Variants in TYW1B observed in about 807,000 individuals in gnomAD.
The protein encoded by TYW1B is tRNA-yW synthesizing protein 1 homolog B.
Under a neutral mutation model 86.9 loss-of-function variants are expected in TYW1B, and 73 were observed. The ratio of observed to expected loss-of-function variants is 0.84; its 90% CI spans 0.70 to 1.02. The LOEUF is 1.02. Among genes scored for constraint, TYW1B ranks in the 50% least tolerant of loss-of-function variants. The probability of loss-of-function intolerance (pLI) is 0.00; values close to 1 mark genes in which losing one functional copy is unlikely to be tolerated. For synonymous variants in TYW1B, 248 were observed against 292.8 expected (o/e 0.85, Z 1.56); for missense variants, 637 against 827.4 (o/e 0.77, Z 2.82).
intron 13 of TYW1B, among the ~76,000 whole-genome samples, chr7:72,613,127 G>A (rs1419635618): frequency 6.6e-6 from 1 of 152,094 alleles, no homozygotes; most frequent in Non-Finnish European, 1.5e-5. Context: ...AAAGACAAAG[G>A]AAGACTGTGG....
intron 8 of TYW1B, among the ~76,000 whole-genome samples, chr7:72,732,588 C>T (rs560539304): frequency 3.9e-5 from 6 of 152,056 alleles, no homozygotes; most frequent in African/African-American, 1.4e-4. Context: ...AAGCAAATGT[C>T]AAAACTTAAG....
At chr7:72,585,427 C>T (rs1554430337) in intron 13 of TYW1B, among the ~76,000 whole-genome samples, 1 of 152,200 alleles carries the variant, frequency 6.6e-6, no homozygotes. Flanking sequence ...CTCCACGTAA[C>T]ACTATACCAT....
intron 11 of TYW1B, among the ~76,000 whole-genome samples, chr7:72,690,767 G>C (rs1814132154): frequency 6.6e-6 from 1 of 152,088 alleles, no homozygotes; most frequent in African/African-American, 2.4e-5. Flanking sequence ...TATTTATTTT[G>C]AGACAGTCTC....
intron 11 of TYW1B, among the ~76,000 whole-genome samples, chr7:72,648,037 A>G (rs1324502135): frequency 6.6e-6 from 1 of 152,160 alleles, no homozygotes; most frequent in African/African-American, 2.4e-5. Context: ...AGCTGAAAAC[A>G]AACTTATACA....
intron 11 of TYW1B, among the ~76,000 whole-genome samples, chr7:72,659,816 T>C (rs1813289553): frequency 3.3e-5 from 5 of 152,166 alleles, no homozygotes; most frequent in South Asian, 2.1e-4. Flanking sequence ...AGGCAACTGA[T>C]GGTGAGCAAG....
Position 72,706,431 on chromosome 7 carries a change from CAAAAAA to C in TYW1B, c.1370+7184_1370+7189del, listed in dbSNP as rs59124514. ...AACAAGAGCGAAACTCCTCCATCTC[CAAAAAA>C]AAAAAAAAAAAAAAAAAGAATATTC... On this transcript the variant is annotated intron_variant, in intron 10 of 13. Coordinates refer to ENST00000620995, the MANE Select transcript of TYW1B (RefSeq NM_001145440.3). Among the ~76,000 whole-genome samples the C allele has an allele frequency of 1.3e-3, 82 of 64,488 alleles. 1 individual carries two copies. The highest frequency in any genetic ancestry group is 0.012 in the Admixed American group (61 of 5,210). The allele number at this position is 64,488 out of a possible 152,430, so 42.3% of individuals were successfully genotyped here. A position where few individuals can be genotyped will look rare whatever the true frequency, so the allele number is the denominator to read the frequency against.
intron 11 of TYW1B, among the ~76,000 whole-genome samples, chr7:72,663,720 C>T (rs1298981044): frequency 7.1e-6 from 1 of 141,138 alleles, no homozygotes; most frequent in Non-Finnish European, 1.5e-5. Flanking sequence ...GCCGAGATCA[C>T]GCCACTGCAC....
chr7:72,610,037 T>A (rs1226667510), intron 13 of TYW1B, among the ~76,000 whole-genome samples: 3 of 152,170 alleles, frequency 2.0e-5, no homozygotes, highest in Non-Finnish European at 4.4e-5. Context: ...TTTCAACAAC[T>A]GCTAGCTTGA....
At chr7:72,713,442 G>A (rs1786716527) in intron 10 of TYW1B, among the ~76,000 whole-genome samples, 179 bp downstream of exon 10, 1 of 150,574 alleles carries the variant, frequency 6.6e-6, no homozygotes, top group Non-Finnish European at 1.5e-5. Flanking sequence ...TTTTACTAAT[G>A]TTGTTGTGCC....
rs537859017 is a variant in TYW1B, at chr7:72,799,191, C to T, written c.846+3209G>A. Among the ~76,000 whole-genome samples, 4 of 134,240 alleles carry T rather than the reference C, an allele frequency of 3.0e-5. No homozygotes were observed. The East Asian group carries it at 9.2e-4, about 31-fold the overall frequency. The allele number at this position is 134,240 out of a possible 152,430, so 88.1% of individuals were successfully genotyped here. On this transcript the variant is annotated intron_variant, in intron 6 of 13. Coordinates refer to ENST00000620995, the MANE Select transcript of TYW1B (RefSeq NM_001145440.3). Reference sequence around the variant, plus strand: ...TTTTTTTTTTTGAGACAGAGTCTTGCTCTGTTGCCCAGGCTTGAATGCAGC... The same window carrying T: ...TTTTTTTTTTTGAGACAGAGTCTTGTTCTGTTGCCCAGGCTTGAATGCAGC...
At chr7:72,737,787 C>CTTCT (rs1447875363) in intron 8 of TYW1B, among the ~76,000 whole-genome samples, 11 of 138,864 alleles carry the variant, frequency 7.9e-5, no homozygotes, top group African/African-American at 3.0e-4. Flanking sequence ...CATTTTACTT[C>CTTCT]TTTTTTTTTT....
At chr7:72,614,396 A>G (rs1812015768) in intron 13 of TYW1B, among the ~76,000 whole-genome samples, 2 of 152,030 alleles carry the variant, frequency 1.3e-5, no homozygotes, top group Non-Finnish European at 2.9e-5. Flanking sequence ...ACTTTGGGAG[A>G]CTGAGACAGG....
At chr7:72,811,270 C>CAA (rs1243709262) in intron 3 of TYW1B, among the ~76,000 whole-genome samples, 1,124 of 67,750 alleles carry the variant, frequency 0.017, 24 homozygotes, top group African/African-American at 0.06. Flanking sequence ...GACTCCATCT[C>CAA]AAAAAAAAAA....
At chr7:72,671,884 A>T (rs1735901481) in intron 11 of TYW1B, among the ~76,000 whole-genome samples, 1 of 151,630 alleles carries the variant, frequency 6.6e-6, no homozygotes, top group East Asian at 1.9e-4. Context: ...ATCTCAAAAC[A>T]CACCATTATG....
intron 12 of TYW1B, among the ~76,000 whole-genome samples, chr7:72,627,492 TAACATAACATAACATAACATAAATA>T: frequency 6.6e-6 from 1 of 150,894 alleles, no homozygotes; most frequent in African/African-American, 2.4e-5. Flanking sequence ...TAACATAACA[TAACATAACATAACATAACATAAATA>T]AAATAAAATA....
intron 13 of TYW1B, among the ~76,000 whole-genome samples, chr7:72,594,640 T>A (rs1414813022): frequency 1.3e-5 from 2 of 152,130 alleles, no homozygotes; most frequent in Non-Finnish European, 2.9e-5. Flanking sequence ...GAGGGAATAC[T>A]TTCAACTCAT....
chr7:72,811,777 T>G (rs7799417), intron 3 of TYW1B, among the ~76,000 whole-genome samples: 105,190 of 150,122 alleles, frequency 0.7, 38,080 homozygotes, highest in Non-Finnish European at 0.79. Context: ...GCAGGCGTGG[T>G]AGTGGGTGCC....
Position 72,601,477 on chromosome 7 carries a change from C to T in TYW1B, c.1785+15195G>A, listed in dbSNP as rs530637772. Among the ~76,000 whole-genome samples, 62 of 152,098 alleles carry T rather than the reference C, an allele frequency of 4.1e-4. No individual in the cohort carries two copies. The Middle Eastern group carries it at 0.014, about 33-fold the overall frequency. ...GAAGACAGTTTTTTACAACACTTAA[C>T]ATAATCCTACCATATGATCCAGCAA... On this transcript the variant is annotated intron_variant, in intron 13 of 13. Transcript: ENST00000620995.
chr7:72,640,736 A>AT (rs1240608055), intron 11 of TYW1B, among the ~76,000 whole-genome samples: 1 of 152,106 alleles, frequency 6.6e-6, no homozygotes, highest in African/African-American at 2.4e-5. Flanking sequence ...ACAATGGAAC[A>AT]TTTGTACACA....
Sources: allele counts gnomAD v4.1 joint callset (sites outside exome capture counted in the v4.1 genomes callset), GRCh38; gene constraint gnomAD v4.1.1; transcripts MANE v1.5; gene names NCBI Gene and HGNC (gene_info 2026-07-23, HGNC 2026-07-21).